Variants in CREB5 observed in about 807,000 individuals in gnomAD.
CREB5 encodes cAMP responsive element binding protein 5.
A neutral mutation model predicts 57.1 loss-of-function variants in CREB5; 19 were observed. The ratio of observed to expected loss-of-function variants is 0.33; its 90% CI spans 0.23 to 0.49. The LOEUF is 0.49. Among genes scored for constraint, CREB5 ranks in the 20% least tolerant of loss-of-function variants. CREB5 has a pLI of 0.99. For synonymous variants in CREB5, 238 were observed against 238.3 expected (o/e 1.00, Z 0.01); for missense variants, 579 against 671.6 (o/e 0.86, Z 1.52).
At chr7:28,435,304 G>A (rs967733404) in intron 1 of CREB5, among the ~76,000 whole-genome samples, 3 of 151,692 alleles carry the variant, frequency 2.0e-5, no homozygotes, top group Non-Finnish European at 4.4e-5. Flanking sequence ...TGAAAATTCA[G>A]TGTCATTTGG....
rs559049754 is a variant in CREB5, at chr7:28,607,802, T to A, written c.464+37265T>A. ...GTGTGTGTGTGTGTGTGTTTTACCA[T>A]GTGCATACTTGGAAAGATAGTATTC... On this transcript the variant is annotated intron_variant, in intron 5 of 10. Coordinates refer to ENST00000357727, the MANE Select transcript of CREB5 (RefSeq NM_182898.4). Among the ~76,000 whole-genome samples the A allele has an allele frequency of 4.1e-5, 6 of 145,868 alleles. No individual in the cohort carries two copies. The East Asian group carries it at 1.3e-3, about 32-fold the overall frequency.
chr7:28,421,765 C>T (rs1465513938), intron 1 of CREB5, among the ~76,000 whole-genome samples: 2 of 21,276 alleles, frequency 9.4e-5, no homozygotes, highest in Non-Finnish European at 2.0e-4. Flanking sequence ...TACATACACA[C>T]ACACTATATA....
At chr7:28,611,527 G>A (rs939468131) in intron 5 of CREB5, among the ~76,000 whole-genome samples, 2 of 145,766 alleles carry the variant, frequency 1.4e-5, no homozygotes, top group Non-Finnish European at 3.0e-5. Flanking sequence ...TTAGCTGGGT[G>A]TGGTGGTGTG....
chr7:28,498,730 T>G (rs1294133735), intron 3 of CREB5, among the ~76,000 whole-genome samples: 1 of 152,104 alleles, frequency 6.6e-6, no homozygotes, highest in African/African-American at 2.4e-5. Context: ...GAGACACAAA[T>G]GGAGATGACA....
chr7:28,750,510 C>T (rs548115397), intron 7 of CREB5, among the ~76,000 whole-genome samples: 22 of 151,962 alleles, frequency 1.4e-4, no homozygotes, highest in African/African-American at 5.3e-4. Flanking sequence ...AGAGAATGGC[C>T]CCATATACAA....
At chr7:28,437,560 T>A (rs1789011389) in intron 1 of CREB5, among the ~76,000 whole-genome samples, 1 of 152,138 alleles carries the variant, frequency 6.6e-6, no homozygotes, top group Admixed American at 6.5e-5. Flanking sequence ...TTTTAGTGAG[T>A]GCCTATAAAA....
rs1191380432 is a variant in CREB5 at position 28,821,517 on chromosome 7, A to G, written c.*2238A>G. On this transcript the variant is annotated 3_prime_UTR_variant, in exon 11 of 11. Coordinates refer to ENST00000357727, the MANE Select transcript of CREB5 (RefSeq NM_182898.4). ...AAAAAGAAAAAATGCAAATGGAATA[A>G]TTTTCTATTATATTTTAGACAAACA... The G allele has an allele frequency of 6.6e-6, 1 of 151,882 alleles. No individual in the cohort carries two copies. Among genetic ancestry groups the G allele is most frequent in the East Asian group, 1.9e-4 (1 of 5,196 alleles). 9.4% of individuals were successfully genotyped at this position (151,882 alleles called of 1,614,324 possible).
chr7:28,514,040 C>T (rs1041485658), intron 4 of CREB5, among the ~76,000 whole-genome samples: 2 of 152,172 alleles, frequency 1.3e-5, no homozygotes, highest in African/African-American at 4.8e-5. Context: ...GCTCAGGAAG[C>T]TGACAGCTTA....
chr7:28,334,366 A>C (rs976733289), intron 1 of CREB5, among the ~76,000 whole-genome samples: 6 of 152,290 alleles, frequency 3.9e-5, no homozygotes, highest in African/African-American at 1.4e-4. Flanking sequence ...CATGTTGCCC[A>C]GGCTGGTCTC....
At position 28,494,911 on chromosome 7, in the gene CREB5, C is replaced by G. The variant is rs1194561018; in HGVS notation, c.81C>G (p.Phe27Leu). 1.9e-6 allele frequency: 3 copies of G among 1,588,970 alleles called. No homozygotes were observed. Among genetic ancestry groups the G allele is most frequent in the Non-Finnish European group, 2.6e-6 (3 of 1,173,602 alleles). The change falls in exon 3 of 11, where the codon TTC (phenylalanine) becomes TTG (leucine). Residue 27 changes from phenylalanine (F) to leucine (L), a missense_variant. Transcript: ENST00000357727. ...VCSAPGCSQRFPTEDHLMIHR... is the reference protein window; with the variant it reads ...VCSAPGCSQRLPTEDHLMIHR... Reference sequence around the variant, plus strand: ...TTTTTTTATTCGTCCGACAGCGCTTCCCAACAGAGGACCATCTGATGATTC... The same window carrying G: ...TTTTTTTATTCGTCCGACAGCGCTTGCCAACAGAGGACCATCTGATGATTC...
At chr7:28,793,392 G>A (rs1025167845) in intron 7 of CREB5, among the ~76,000 whole-genome samples, 4 of 152,170 alleles carry the variant, frequency 2.6e-5, no homozygotes, top group African/African-American at 9.7e-5. Context: ...ACTAGAAAAA[G>A]TTTGAGGCCC....
intron 5 of CREB5, among the ~76,000 whole-genome samples, chr7:28,678,347 C>T (rs1283745984): frequency 1.3e-5 from 2 of 151,904 alleles, no homozygotes; most frequent in Non-Finnish European, 2.9e-5. Flanking sequence ...AAGACGGCAC[C>T]ACTACACTCC....
chr7:28,476,532 AT>A (rs75781535), intron 1 of CREB5, among the ~76,000 whole-genome samples: 17,145 of 152,210 alleles, frequency 0.11, 1,321 homozygotes, highest in East Asian at 0.43. Context: ...ATAGGAGAAA[AT>A]TAATATTCAG....
At chr7:28,378,816 C>G (rs1339653588) in intron 1 of CREB5, among the ~76,000 whole-genome samples, 1 of 152,220 alleles carries the variant, frequency 6.6e-6, no homozygotes, top group Non-Finnish European at 1.5e-5. Flanking sequence ...ATCTACTCAA[C>G]TCTACTGGCA....
intron 5 of CREB5, among the ~76,000 whole-genome samples, chr7:28,658,293 C>T (rs942116801): frequency 6.6e-6 from 1 of 152,124 alleles, no homozygotes; most frequent in African/African-American, 2.4e-5. Flanking sequence ...CATTTTATGA[C>T]CTACCCTGTG....
intron 2 of CREB5, among the ~76,000 whole-genome samples, chr7:28,492,520 T>C (rs1234214992): frequency 6.6e-6 from 1 of 152,090 alleles, no homozygotes; most frequent in African/African-American, 2.4e-5. Flanking sequence ...TCCTGCTGAA[T>C]TAAAAAAAAT....
At chr7:28,725,022 T>A (rs966277986) in intron 7 of CREB5, among the ~76,000 whole-genome samples, 13 of 152,208 alleles carry the variant, frequency 8.5e-5, no homozygotes, top group African/African-American at 3.1e-4. Flanking sequence ...TTATATTTAG[T>A]GGAGTTACTT....
intron 7 of CREB5, among the ~76,000 whole-genome samples, chr7:28,800,441 C>T (rs1036200810): frequency 6.6e-6 from 1 of 152,212 alleles, no homozygotes; most frequent in African/African-American, 2.4e-5. Flanking sequence ...GGGACCACAG[C>T]TAGGCCATAT....
chr7:28,594,758 G>C (rs1407069816), intron 5 of CREB5, among the ~76,000 whole-genome samples: 4 of 152,192 alleles, frequency 2.6e-5, no homozygotes, highest in Admixed American at 6.5e-5. Flanking sequence ...AGACTCTGTA[G>C]TAGCATCTGC....
Sources: allele counts gnomAD v4.1 joint callset (sites outside exome capture counted in the v4.1 genomes callset), GRCh38; gene constraint gnomAD v4.1.1; transcripts MANE v1.5; gene names NCBI Gene and HGNC (gene_info 2026-07-23, HGNC 2026-07-21).